RFTN1: variants seen among roughly 807,000 people sequenced by gnomAD.
The protein encoded by RFTN1 is raftlin, lipid raft linker 1, also known as raftlin.
A neutral mutation model predicts 46.5 loss-of-function variants in RFTN1; 26 were observed. The ratio of observed to expected loss-of-function variants is 0.56; its 90% CI spans 0.41 to 0.78. RFTN1 has a LOEUF of 0.78. RFTN1 is among the 30% of genes least tolerant of loss of function. The probability of loss-of-function intolerance (pLI) is 0.00; values close to 1 mark genes in which losing one functional copy is unlikely to be tolerated. For missense variants in RFTN1, 693 were observed against 718.7 expected (o/e 0.96, Z 0.41); for synonymous variants, 261 against 284.2 (o/e 0.92, Z 0.82).
intron 2 of RFTN1, among the ~76,000 whole-genome samples, chr3:16,461,897 A>T (rs567291649): frequency 6.6e-6 from 1 of 152,232 alleles, no homozygotes; most frequent in African/African-American, 2.4e-5. Flanking sequence ...TATCTGGCAG[A>T]TTAAAATTTG....
chr3:16,322,336 G>A lies in RFTN1; in HGVS notation c.1332+1040C>T, dbSNP rs2069160788. On this transcript the variant is annotated intron_variant, in intron 9 of 9. Coordinates refer to ENST00000334133, the MANE Select transcript of RFTN1 (RefSeq NM_015150.2). This position sits in a 1 kb window ranked among gnomAD's most constrained non-coding sequence, Gnocchi z 6.2. ...CTCCTTCCACAAGTGGGCTCCCCCT[G>A]GAGTTGTTGGCTGGTGAGGGGCTGC... Among the ~76,000 whole-genome samples the A allele has an allele frequency of 6.6e-6, 1 of 152,214 alleles. No homozygotes were observed.
chr3:16,332,107 C>G (rs555147145), intron 7 of RFTN1, among the ~76,000 whole-genome samples: 24 of 152,078 alleles, frequency 1.6e-4, no homozygotes, highest in African/African-American at 4.3e-4. Context: ...CTTTTTTACT[C>G]AAAGGATTGT....
Position 16,465,262 on chromosome 3 carries a change from G to A in RFTN1, c.145+28463C>T, listed in dbSNP as rs1439357580. ...TTAGTATTTCATAGAGGTTTTTGTTGTTGTTGTTCAGAAAATGAACATATA... is the reference window on the plus strand; with the variant it reads ...TTAGTATTTCATAGAGGTTTTTGTTATTGTTGTTCAGAAAATGAACATATA... On this transcript the variant is annotated intron_variant, in intron 2 of 9. Coordinates refer to ENST00000334133, the MANE Select transcript of RFTN1 (RefSeq NM_015150.2). This position sits in a 1 kb window ranked among gnomAD's most constrained non-coding sequence, Gnocchi z 5.1. Among the ~76,000 whole-genome samples, 2 of 151,008 alleles carry A rather than the reference G, an allele frequency of 1.3e-5. No individual in the cohort carries two copies. Among genetic ancestry groups the A allele is most frequent in the African/African-American group, 4.9e-5 (2 of 41,178 alleles).
intron 9 of RFTN1, 82 bp downstream of exon 9, chr3:16,323,294 T>G (rs1014620713): frequency 9.8e-7 from 1 of 1,023,348 alleles, no homozygotes; most frequent in Non-Finnish European, 1.5e-6. Flanking sequence ...TGGAGCAGGC[T>G]GCCCCCTCAA....
chr3:16,469,659 G>C (rs773898831), intron 2 of RFTN1, among the ~76,000 whole-genome samples: 1 of 152,234 alleles, frequency 6.6e-6, no homozygotes, highest in Non-Finnish European at 1.5e-5. Context: ...AGGAGCTTGG[G>C]GGCAGACATG....
At chr3:16,373,181 T>G (rs2073598249) in intron 5 of RFTN1, among the ~76,000 whole-genome samples, 1 of 152,234 alleles carries the variant, frequency 6.6e-6, no homozygotes, top group Non-Finnish European at 1.5e-5. Context: ...CATGGGATGG[T>G]AAGTCCCAAA....
intron 3 of RFTN1, among the ~76,000 whole-genome samples, chr3:16,430,323 G>T (rs1466978273): frequency 1.3e-5 from 2 of 152,122 alleles, no homozygotes; most frequent in African/African-American, 4.8e-5. Flanking sequence ...CTTTGCCCAG[G>T]CTGGTCTGGA....
rs2075262627 is a variant in RFTN1 at position 16,424,973 on chromosome 3, A to G, written c.332+8878T>C. On this transcript the variant is annotated intron_variant, in intron 3 of 9. Coordinates refer to ENST00000334133, the MANE Select transcript of RFTN1 (RefSeq NM_015150.2). The surrounding 1 kb of genome is among the most constrained non-coding windows in gnomAD (Gnocchi z 4.7). Reference sequence around the variant, plus strand: ...AATCTAAGTTACTTCTGATTGACAAAGAGGAAAAAATGTCAATTTTCAATT... The same window carrying G: ...AATCTAAGTTACTTCTGATTGACAAGGAGGAAAAAATGTCAATTTTCAATT... Among the ~76,000 whole-genome samples the G allele has an allele frequency of 1.3e-5, 2 of 152,206 alleles. No individual in the cohort carries two copies. The highest frequency in any genetic ancestry group is 4.8e-5 in the African/African-American group (2 of 41,448).
intron 6 of RFTN1, among the ~76,000 whole-genome samples, chr3:16,368,512 A>T (rs988529787): frequency 1.3e-5 from 2 of 152,174 alleles, no homozygotes; most frequent in Non-Finnish European, 2.9e-5. Context: ...TCTACTAAAA[A>T]TACAAAAAAA....
At chr3:16,438,110 T>C (rs960292466) in intron 2 of RFTN1, among the ~76,000 whole-genome samples, 5 of 152,132 alleles carry the variant, frequency 3.3e-5, no homozygotes, top group African/African-American at 1.2e-4. Flanking sequence ...GCCCTCAAAC[T>C]CATATTTAAC....
rs181258297 is a variant in RFTN1 at position 16,460,461 on chromosome 3, C to T, written c.146-26424G>A. ...CGGAGCCTGGTTTTATCTTAACAGC[C>T]CTCATACTCCTTGGACCACACCTGG... is the stretch of plus-strand genomic sequence containing the variant. On this transcript the variant is annotated intron_variant, in intron 2 of 9. Transcript: ENST00000334133. The surrounding 1 kb of genome is among the most constrained non-coding windows in gnomAD (Gnocchi z 4.8). Among the ~76,000 whole-genome samples the T allele has an allele frequency of 6.6e-6, 1 of 152,172 alleles. No homozygotes were observed. Among genetic ancestry groups the T allele is most frequent in the East Asian group, 1.9e-4 (1 of 5,184 alleles).
intron 7 of RFTN1, among the ~76,000 whole-genome samples, chr3:16,340,259 C>T (rs563868900): frequency 1.4e-4 from 21 of 152,252 alleles, no homozygotes; most frequent in Non-Finnish European, 2.6e-4. Context: ...AAATATGATG[C>T]AAACCGCAGC....
chr3:16,381,039 C>T lies in RFTN1; in HGVS notation c.442-2937G>A, dbSNP rs1363282750. 1.3e-5 allele frequency among the ~76,000 whole-genome samples: 2 copies of T among 152,156 alleles called. No individual in the cohort carries two copies. The highest frequency in any genetic ancestry group is 3.9e-4 in the East Asian group (2 of 5,192). ...TACCAGGAATGTAAAATAGGATCCCCAACCCTCAAGAAGATTTGACCAATT... is the reference window on the plus strand; with the variant it reads ...TACCAGGAATGTAAAATAGGATCCCTAACCCTCAAGAAGATTTGACCAATT... On this transcript the variant is annotated intron_variant, in intron 4 of 9. Coordinates refer to ENST00000334133, the MANE Select transcript of RFTN1 (RefSeq NM_015150.2). The surrounding 1 kb of genome is among the most constrained non-coding windows in gnomAD (Gnocchi z 4.2).
intron 1 of RFTN1, among the ~76,000 whole-genome samples, chr3:16,501,265 A>G (rs915544641): frequency 6.6e-6 from 1 of 152,238 alleles, no homozygotes; most frequent in African/African-American, 2.4e-5. Flanking sequence ...TTAAATTATT[A>G]TTTTAAAAGT....
At position 16,356,484 on chromosome 3, in the gene RFTN1, C is replaced by G. The variant is rs565318787; in HGVS notation, c.1146+1448G>C. Among the ~76,000 whole-genome samples, 1 of 130,640 alleles carries G rather than the reference C, an allele frequency of 7.7e-6. No homozygotes were observed. Among genetic ancestry groups the G allele is most frequent in the Non-Finnish European group, 1.8e-5 (1 of 56,072 alleles). 85.7% of individuals were successfully genotyped at this position (130,640 alleles called of 152,430 possible). The stretch of plus-strand genomic sequence containing the variant: ...CAGTTATTTCTCATCCCTGTTCAGA[C>G]GCAGGTATGCCCCCCAACAGCCTTG... On this transcript the variant is annotated intron_variant, in intron 7 of 9. Coordinates refer to ENST00000334133, the MANE Select transcript of RFTN1 (RefSeq NM_015150.2). This position sits in a 1 kb window ranked among gnomAD's most constrained non-coding sequence, Gnocchi z 4.9.
chr3:16,470,045 AG>A (rs150170507), intron 2 of RFTN1, among the ~76,000 whole-genome samples: 1 of 152,090 alleles, frequency 6.6e-6, no homozygotes, highest in African/African-American at 2.4e-5. Context: ...TCAGAAAGAG[AG>A]GGGGGTCCAG....
Position 16,421,703 on chromosome 3 carries a change from G to A in RFTN1, c.332+12148C>T, listed in dbSNP as rs2075189057. Among the ~76,000 whole-genome samples, 1 of 152,168 alleles carries A rather than the reference G, an allele frequency of 6.6e-6. No individual in the cohort carries two copies. The highest frequency in any genetic ancestry group is 2.1e-4 in the South Asian group (1 of 4,824). On this transcript the variant is annotated intron_variant, in intron 3 of 9. Transcript: ENST00000334133. The surrounding 1 kb of genome is among the most constrained non-coding windows in gnomAD (Gnocchi z 4.6). ...GTCCCACAAAGCTCTTATGGGCAGA[G>A]ACGGGTCAGTGTAGCCATTTCCACA...
chr3:16,378,743 A>G (rs1417466056), intron 4 of RFTN1, among the ~76,000 whole-genome samples: 1 of 152,136 alleles, frequency 6.6e-6, no homozygotes, highest in Non-Finnish European at 1.5e-5. Context: ...AGGAGCCCAC[A>G]GATCATGCCC....
chr3:16,415,517 A>C (rs893927747), intron 3 of RFTN1, among the ~76,000 whole-genome samples: 1 of 151,212 alleles, frequency 6.6e-6, no homozygotes, highest in African/African-American at 2.4e-5. Context: ...TGGAGATATA[A>C]ATTTAGGAGT....
Sources: allele counts gnomAD v4.1 joint callset (sites outside exome capture counted in the v4.1 genomes callset), GRCh38; gene constraint gnomAD v4.1.1; non-coding constraint Gnocchi (gnomAD v3.1); transcripts MANE v1.5; gene names NCBI Gene and HGNC (gene_info 2026-07-23, HGNC 2026-07-21).